Variants in CDH8 observed in about 807,000 individuals in gnomAD.
CDH8 encodes cadherin 8.
In CDH8, 17 loss-of-function variants were observed where a neutral mutation model predicts 68.1. The observed-to-expected ratio is 0.25, with a 90% CI of 0.17 to 0.37. CDH8 has a LOEUF of 0.37. Among genes scored for constraint, CDH8 ranks in the 10% least tolerant of loss-of-function variants. The pLI is 1.00. For missense variants in CDH8, 763 were observed against 999.3 expected (o/e 0.76, Z 3.19); for synonymous variants, 372 against 365.1 (o/e 1.02, Z -0.21).
chr16:61,689,405 G>C (rs1030763799), intron 10 of CDH8, among the ~76,000 whole-genome samples: 54 of 151,958 alleles, frequency 3.6e-4, no homozygotes, highest in Non-Finnish European at 1.2e-4. Context: ...CACTCAATTA[G>C]TGTCAGCCAA....
chr16:61,746,275 T>C (rs1016585297), intron 8 of CDH8, among the ~76,000 whole-genome samples: 1 of 152,026 alleles, frequency 6.6e-6, no homozygotes, highest in Non-Finnish European at 1.5e-5. Context: ...CTAACTTTTG[T>C]CTCCAGAGTC....
intron 8 of CDH8, among the ~76,000 whole-genome samples, chr16:61,763,487 A>G (rs913955244): frequency 2.0e-5 from 3 of 152,266 alleles, no homozygotes; most frequent in Non-Finnish European, 4.4e-5. Context: ...CTCCAAGTCT[A>G]CAGAATGCAC....
At chr16:61,768,372 T>TCTCCCTC (rs1960676792) in intron 8 of CDH8, among the ~76,000 whole-genome samples, 1 of 38,938 alleles carries the variant, frequency 2.6e-5, no homozygotes, top group African/African-American at 1.2e-4. Context: ...CTCTCTCCCT[T>TCTCCCTC]TCTCTCTCTC....
At chr16:62,025,502 C>T (rs748187251) in intron 1 of CDH8, among the ~76,000 whole-genome samples, 1 of 151,978 alleles carries the variant, frequency 6.6e-6, no homozygotes, top group South Asian at 2.1e-4. Context: ...GTGAGATGGC[C>T]AATACCCTGA....
chr16:61,826,735 G>A (rs1330895602), intron 4 of CDH8, among the ~76,000 whole-genome samples: 1 of 151,582 alleles, frequency 6.6e-6, no homozygotes, highest in Non-Finnish European at 1.5e-5. Context: ...TAGCAAGTGA[G>A]TCCCAAGAGT....
chr16:61,794,345 C>T (rs1369375084), intron 7 of CDH8, among the ~76,000 whole-genome samples: 11 of 151,816 alleles, frequency 7.2e-5, no homozygotes, highest in Admixed American at 3.3e-4. Context: ...TCATTACTGG[C>T]GTATATGTGA....
chr16:61,909,094 C>G (rs547874662), intron 2 of CDH8, among the ~76,000 whole-genome samples: 2 of 150,338 alleles, frequency 1.3e-5, no homozygotes, highest in Non-Finnish European at 3.0e-5. Flanking sequence ...CTCTGCTCTA[C>G]GAAAAAAAAA....
At chr16:61,654,367 A>G (rs1963393962) in intron 11 of CDH8, among the ~76,000 whole-genome samples, 1 of 152,182 alleles carries the variant, frequency 6.6e-6, no homozygotes, top group African/African-American at 2.4e-5. Context: ...GGTGAAAGTT[A>G]CATTTTATGC....
chr16:61,669,704 T>C lies in CDH8; in HGVS notation c.1655-13983A>G, dbSNP rs151124878. Among the ~76,000 whole-genome samples, 5 of 152,150 alleles carry C rather than the reference T, an allele frequency of 3.3e-5. No homozygotes were observed. The East Asian group carries it at 7.8e-4, about 24-fold the overall frequency. On this transcript the variant is annotated intron_variant, in intron 10 of 11. Coordinates refer to ENST00000577390, the MANE Select transcript of CDH8 (RefSeq NM_001796.5). ...CCATACACTGTGGTCCGCTATGCCATTTGTATCTCGATTTAAATTTCTACC... is the reference window on the plus strand; with the variant it reads ...CCATACACTGTGGTCCGCTATGCCACTTGTATCTCGATTTAAATTTCTACC...
chr16:61,782,803 T>C (rs1961114249), intron 8 of CDH8, among the ~76,000 whole-genome samples: 3 of 152,180 alleles, frequency 2.0e-5, no homozygotes, highest in South Asian at 2.1e-4. Context: ...GCAGCCTAAC[T>C]GGGAGGCACC....
At chr16:61,731,865 T>A (rs956302050) in intron 8 of CDH8, among the ~76,000 whole-genome samples, 1 of 151,832 alleles carries the variant, frequency 6.6e-6, no homozygotes, top group Admixed American at 6.6e-5. Flanking sequence ...TAATTAAATA[T>A]GTAAATGAAG....
chr16:61,713,948 G>T lies in CDH8; in HGVS notation c.1547C>A (p.Thr516Asn). The T allele has an allele frequency of 6.3e-7, 1 of 1,592,676 alleles. No homozygotes were observed. The highest frequency in any genetic ancestry group is 8.6e-7 in the Non-Finnish European group (1 of 1,161,242). The change falls in exon 10 of 12, where the codon ACT (threonine) becomes AAT (asparagine). Residue 516 changes from threonine to asparagine, a missense_variant. Coordinates refer to ENST00000577390, the MANE Select transcript of CDH8 (RefSeq NM_001796.5). Reference sequence around the variant, plus strand: ...ATCATCTTTGTCCATGGCGCTAACAGTTTGAATGACCTGAAACATAAAACT... The same window carrying T: ...ATCATCTTTGTCCATGGCGCTAACATTTTGAATGACCTGAAACATAAAACT... ...ENGKPGQVIQ[T>N]VSAMDKDDPK...
chr16:61,856,064 T>C (rs908291923), intron 4 of CDH8, among the ~76,000 whole-genome samples: 2 of 152,166 alleles, frequency 1.3e-5, no homozygotes, highest in Non-Finnish European at 2.9e-5. Flanking sequence ...ATTAAGATTT[T>C]ACCCTTTGAA....
At position 61,775,325 on chromosome 16, in the gene CDH8, A is replaced by T. The variant is rs141518115; in HGVS notation, c.1414+14021T>A. Among the ~76,000 whole-genome samples, 100 of 152,274 alleles carry T rather than the reference A, an allele frequency of 6.6e-4. 1 individual carries two copies. The East Asian group carries it at 0.018, about 27-fold the overall frequency. On this transcript the variant is annotated intron_variant, in intron 8 of 11. Coordinates refer to ENST00000577390, the MANE Select transcript of CDH8 (RefSeq NM_001796.5). Reference sequence around the variant, plus strand: ...TTGGAGCAAAGGATTTTGAATATGCATGCATTATCCTGAGAAGAACATTCT... The same window carrying T: ...TTGGAGCAAAGGATTTTGAATATGCTTGCATTATCCTGAGAAGAACATTCT...
intron 2 of CDH8, among the ~76,000 whole-genome samples, chr16:62,011,732 T>C (rs919256810): frequency 2.6e-5 from 4 of 152,188 alleles, no homozygotes; most frequent in African/African-American, 9.6e-5. Context: ...AATTCTGTAT[T>C]TCTAACTAGC....
intron 7 of CDH8, among the ~76,000 whole-genome samples, chr16:61,816,765 A>C (rs1291614800): frequency 6.7e-6 from 1 of 148,470 alleles, no homozygotes; most frequent in Non-Finnish European, 1.5e-5. Flanking sequence ...ACAGTACAAC[A>C]GAAAAAAAAA....
At chr16:61,757,660 G>T (rs1483949773) in intron 8 of CDH8, among the ~76,000 whole-genome samples, 1 of 152,068 alleles carries the variant, frequency 6.6e-6, no homozygotes, top group Non-Finnish European at 1.5e-5. Flanking sequence ...CTCTCTTGGG[G>T]TACTTCATCT....
chr16:61,972,572 GT>G (rs752595757), intron 2 of CDH8, among the ~76,000 whole-genome samples: 8,132 of 58,312 alleles, frequency 0.14, 290 homozygotes, highest in Admixed American at 0.2. Flanking sequence ...CACATTGTGG[GT>G]GTGTGTGTGT....
At chr16:61,870,934 A>AT (rs376696324) in intron 3 of CDH8, among the ~76,000 whole-genome samples, 12 of 152,174 alleles carry the variant, frequency 7.9e-5, no homozygotes, top group African/African-American at 2.9e-4. Flanking sequence ...ACTTGATATA[A>AT]TTATCTTATT....
Sources: gnomAD v4.1 joint callset for allele counts (sites outside exome capture counted in the v4.1 genomes callset) on GRCh38, gnomAD v4.1.1 for gene constraint, MANE v1.5 for transcripts, NCBI Gene and HGNC (gene_info 2026-07-23, HGNC 2026-07-21) for gene names.